The following MATN2 variants were observed in gnomAD, a reference collection of about 807,000 sequenced individuals.
MATN2 encodes matrilin-2.
Under a neutral mutation model 103.2 loss-of-function variants are expected in MATN2, and 69 were observed. The observed-to-expected ratio is 0.67, with a 90% CI of 0.55 to 0.82. The LOEUF is 0.82. MATN2 is among the 40% of genes least tolerant of loss of function. MATN2 has a pLI of 0.00. For synonymous variants in MATN2, 429 were observed against 450.2 expected (o/e 0.95, Z 0.60); for missense variants, 1,023 against 1,211.5 (o/e 0.84, Z 2.31).
intron 15 of MATN2, 58 bp from the exon 16 acceptor site, chr8:98,032,188 G>T: frequency 7.1e-7 from 1 of 1,414,866 alleles, no homozygotes; most frequent in Admixed American, 2.0e-5. Context: ...GCTTCCTGAA[G>T]AACACACACA....
chr8:98,026,178 C>CAAAAAA (rs71271184), intron 13 of MATN2, among the ~76,000 whole-genome samples: 3 of 109,716 alleles, frequency 2.7e-5, no homozygotes, highest in Non-Finnish European at 3.7e-5. Context: ...GACTCAATCT[C>CAAAAAA]AAAAAAAAAA....
At chr8:97,974,220 C>T (rs1362521133) in intron 5 of MATN2, among the ~76,000 whole-genome samples, 6 of 151,978 alleles carry the variant, frequency 3.9e-5, no homozygotes, top group South Asian at 4.2e-4. Flanking sequence ...CTCACTGCAA[C>T]CTCCACCTCC....
chr8:98,006,279 ACT>A (rs949799124), intron 8 of MATN2, among the ~76,000 whole-genome samples: 4 of 152,008 alleles, frequency 2.6e-5, no homozygotes, highest in African/African-American at 7.3e-5. Flanking sequence ...GAGAATGACA[ACT>A]CTTTTTCATT....
chr8:97,997,661 T>C (rs13254737), intron 7 of MATN2, among the ~76,000 whole-genome samples: 64,678 of 151,882 alleles, frequency 0.43, 14,886 homozygotes, highest in Non-Finnish European at 0.53. Flanking sequence ...GTACCAGATA[T>C]AGGATGCACA....
At chr8:97,989,622 A>G (rs914030106) in intron 6 of MATN2, among the ~76,000 whole-genome samples, 2 of 152,212 alleles carry the variant, frequency 1.3e-5, no homozygotes, top group African/African-American at 4.8e-5. Context: ...CACCACTGCT[A>G]TTTAATATTG....
chr8:97,992,996 T>C (rs1203717883), intron 6 of MATN2, among the ~76,000 whole-genome samples: 3 of 151,734 alleles, frequency 2.0e-5, no homozygotes, highest in Non-Finnish European at 4.4e-5. Flanking sequence ...TTCAAAGTAA[T>C]GTGGGATCTT....
chr8:97,978,953 C>T lies in MATN2; in HGVS notation c.1026C>T (p.Tyr342=). 2 of 1,613,624 alleles carry T rather than the reference C, an allele frequency of 1.2e-6. No individual in the cohort carries two copies. Among genetic ancestry groups the T allele is most frequent in the Non-Finnish European group, 1.7e-6 (2 of 1,179,646 alleles). ...EHECVNADGS[Y]LCQCHEGFAL... ...AGTGTGTAAATGCTGATGGCTCCTACCTTTGCCAGTGCCATGAAGGATTTG... is the reference window on the plus strand; with the variant it reads ...AGTGTGTAAATGCTGATGGCTCCTATCTTTGCCAGTGCCATGAAGGATTTG... The change falls in exon 6 of 19, where the codon TAC becomes TAT. Residue 342 remains tyrosine, a synonymous_variant. Coordinates refer to ENST00000254898, the MANE Select transcript of MATN2 (RefSeq NM_002380.5).
chr8:98,000,965 G>A (rs867326620), intron 7 of MATN2, among the ~76,000 whole-genome samples: 6 of 152,306 alleles, frequency 3.9e-5, no homozygotes, highest in African/African-American at 7.2e-5. Context: ...TGAGCTGATC[G>A]TGAAGGAAGA....
chr8:98,004,815 G>A (rs758258667), intron 8 of MATN2, among the ~76,000 whole-genome samples: 1 of 152,244 alleles, frequency 6.6e-6, no homozygotes, highest in Non-Finnish European at 1.5e-5. Flanking sequence ...ACTGGGTGAT[G>A]TAAATGTATG....
At chr8:98,014,625 G>GA (rs1813296122) in intron 10 of MATN2, among the ~76,000 whole-genome samples, 1 of 152,194 alleles carries the variant, frequency 6.6e-6, no homozygotes, top group Non-Finnish European at 1.5e-5. Flanking sequence ...AGTATAGTCA[G>GA]AAAATACGGG....
At position 97,888,125 on chromosome 8, in the gene MATN2, T is replaced by G; in HGVS notation, c.25T>G (p.Phe9Val). 1 of 1,607,636 alleles carries G rather than the reference T, an allele frequency of 6.2e-7. No individual in the cohort carries two copies. Among genetic ancestry groups the G allele is most frequent in the Middle Eastern group, 1.7e-4 (1 of 6,038 alleles). The change falls in exon 2 of 19, where the codon TTT becomes GTT. Residue 9 changes from phenylalanine to valine, a missense_variant. Transcript: ENST00000254898. ...AATGGAAAAGATGCTCGCAGGCTGC[T>G]TTCTGCTGATCCTCGGACAGATCGT... The part of the protein sequence containing the change: MEKMLAGC[F>V]LLILGQIVLL...
At chr8:97,895,947 C>T (rs1201720963) in intron 2 of MATN2, among the ~76,000 whole-genome samples, 1 of 152,182 alleles carries the variant, frequency 6.6e-6, no homozygotes, top group Non-Finnish European at 1.5e-5. Flanking sequence ...GGCAGATATG[C>T]GTTGGAGCAA....
chr8:97,979,056 C>A (rs1247852371), intron 6 of MATN2, 48 bp downstream of exon 6: 1 of 1,550,978 alleles, frequency 6.4e-7, no homozygotes, highest in Non-Finnish European at 8.7e-7. Flanking sequence ...GCTGTTACTG[C>A]TGTGGTGACT....
At chr8:98,011,749 C>T (rs760780265) in intron 10 of MATN2, among the ~76,000 whole-genome samples, 2 of 152,136 alleles carry the variant, frequency 1.3e-5, no homozygotes, top group Non-Finnish European at 2.9e-5. Flanking sequence ...GTTTTAACAA[C>T]GTCTTATGTG....
chr8:97,872,571 C>A (rs1273684072), intron 1 of MATN2, among the ~76,000 whole-genome samples: 1 of 152,156 alleles, frequency 6.6e-6, no homozygotes, highest in African/African-American at 2.4e-5. Flanking sequence ...TCTGTGGTTC[C>A]TTTTGTAGGC....
At chr8:98,020,508 C>T (rs1230559768) in intron 12 of MATN2, among the ~76,000 whole-genome samples, 1 of 152,236 alleles carries the variant, frequency 6.6e-6, no homozygotes, top group East Asian at 1.9e-4. Context: ...TCATTCAACA[C>T]ATTTATTGCT....
At chr8:97,899,272 C>T (rs1818909173) in intron 2 of MATN2, among the ~76,000 whole-genome samples, 1 of 152,178 alleles carries the variant, frequency 6.6e-6, no homozygotes, top group Non-Finnish European at 1.5e-5. Context: ...ACTGTACCAG[C>T]ATAGCTGAGC....
intron 2 of MATN2, among the ~76,000 whole-genome samples, chr8:97,912,107 C>T (rs904496879): frequency 6.6e-6 from 1 of 152,338 alleles, no homozygotes; most frequent in Middle Eastern, 3.4e-3. Context: ...GCACGACCTG[C>T]TTCTCCCTTT....
intron 2 of MATN2, among the ~76,000 whole-genome samples, chr8:97,906,871 T>C (rs2130052588): frequency 6.6e-6 from 1 of 152,314 alleles, no homozygotes; most frequent in South Asian, 2.1e-4. Context: ...GACCCTCTAT[T>C]TCCGCAGAGG....
Sources: allele counts gnomAD v4.1 joint callset (sites outside exome capture counted in the v4.1 genomes callset), GRCh38; gene constraint gnomAD v4.1.1; transcripts MANE v1.5; gene names NCBI Gene and HGNC (gene_info 2026-07-23, HGNC 2026-07-21).